The following SPATA6 variants were observed in gnomAD, a reference collection of about 807,000 sequenced individuals.
The protein encoded by SPATA6 is spermatogenesis associated 6, also known as spermatogenesis-associated protein 6.
A neutral mutation model predicts 65.3 loss-of-function variants in SPATA6; 56 were observed. The observed-to-expected ratio is 0.86, with a 90% CI of 0.69 to 1.07. The LOEUF (loss-of-function observed/expected upper bound fraction) is 1.07. Ranked by LOEUF, SPATA6 falls within the 50% of genes least tolerant of loss-of-function variation. The pLI is 0.00. For missense variants in SPATA6, 590 were observed against 594.8 expected (o/e 0.99, Z 0.08); for synonymous variants, 199 against 213.2 (o/e 0.93, Z 0.58).
chr1:48,275,794 C>CT, the SPATA6 span, among the ~76,000 whole-genome samples: 2 of 151,910 alleles, frequency 1.3e-5, no homozygotes, highest in Admixed American at 6.6e-5. Context: ...CTGAAATTTT[C>CT]TTTTTTTGTT....
intron 3 of SPATA6, among the ~76,000 whole-genome samples, chr1:48,441,368 C>T (rs1384770788): frequency 6.6e-6 from 1 of 151,118 alleles, no homozygotes; most frequent in Non-Finnish European, 1.5e-5. Flanking sequence ...CCTGGGACAG[C>T]CTGTAATCAG....
chr1:48,347,477 ATAT>A (rs1476374335), intron 11 of SPATA6, among the ~76,000 whole-genome samples: 3 of 146,490 alleles, frequency 2.0e-5, no homozygotes, highest in Non-Finnish European at 3.0e-5. Flanking sequence ...TATAATATAT[ATAT>A]TATTAATGTA....
At chr1:48,337,790 C>A (rs1317060985) in intron 11 of SPATA6, among the ~76,000 whole-genome samples, 8 of 151,648 alleles carry the variant, frequency 5.3e-5, no homozygotes, top group African/African-American at 1.9e-4. Flanking sequence ...ACATGCTAGA[C>A]CTATGAAATG....
intron 3 of SPATA6, among the ~76,000 whole-genome samples, chr1:48,422,009 A>G (rs187465483): frequency 1.7e-4 from 26 of 152,328 alleles, no homozygotes; most frequent in African/African-American, 6.3e-4. Context: ...AAATGGAAAG[A>G]ATATACATCA....
chr1:48,333,820 TA>T (rs1477804623), intron 11 of SPATA6, among the ~76,000 whole-genome samples: 2 of 151,520 alleles, frequency 1.3e-5, no homozygotes, highest in African/African-American at 4.9e-5. Context: ...AACAGAGACA[TA>T]AAAAAACATA....
chr1:48,464,813 T>A lies in SPATA6; in HGVS notation c.51+7145A>T, dbSNP rs560367616. On this transcript the variant is annotated intron_variant, in intron 1 of 12. Transcript: ENST00000371847. Reference sequence around the variant, plus strand: ...GACAGCCCAATGGAGCAATCTGGGGTTCTGATAATATTCTAATTATTGGTG... The same window carrying A: ...GACAGCCCAATGGAGCAATCTGGGGATCTGATAATATTCTAATTATTGGTG... 2.6e-5 allele frequency among the ~76,000 whole-genome samples: 4 copies of A among 152,134 alleles called. No homozygotes were observed. The South Asian group carries it at 8.3e-4, about 32-fold the overall frequency.
At chr1:48,370,380 G>C (rs1304098613) in intron 9 of SPATA6, among the ~76,000 whole-genome samples, 1 of 152,146 alleles carries the variant, frequency 6.6e-6, no homozygotes, top group African/African-American at 2.4e-5. Flanking sequence ...GTTCTGAAAG[G>C]GGAAAAAGTA....
chr1:48,420,131 A>G (rs1419800069), intron 3 of SPATA6, among the ~76,000 whole-genome samples: 1 of 152,112 alleles, frequency 6.6e-6, no homozygotes, highest in Non-Finnish European at 1.5e-5. Context: ...GGTTTAAACA[A>G]TCATGCCTAT....
At position 48,298,618 on chromosome 1, in the gene SPATA6, A is replaced by AT. The variant is rs1185564726; in HGVS notation, c.*94dup. On this transcript the variant is annotated 3_prime_UTR_variant, in exon 13 of 13. Coordinates refer to ENST00000371847, the MANE Select transcript of SPATA6 (RefSeq NM_019073.4). Reference sequence around the variant, plus strand: ...AACTATTGTACTTAGTTATAATCCCATTTTTTTTAAAAAAAGGAATACAGA... The same window carrying AT: ...AACTATTGTACTTAGTTATAATCCCATTTTTTTTTAAAAAAAGGAATACAGA... 106 of 1,249,896 alleles carry AT rather than the reference A, an allele frequency of 8.5e-5. No homozygotes were observed. Among genetic ancestry groups the AT allele is most frequent in the South Asian group, 2.1e-4 (12 of 57,470 alleles). 77.4% of individuals were successfully genotyped at this position (1,249,896 alleles called of 1,614,324 possible). A position where few individuals can be genotyped will look rare whatever the true frequency, so the allele number is the denominator to read the frequency against.
chr1:48,314,836 G>A (rs187660619), intron 11 of SPATA6, among the ~76,000 whole-genome samples: 12 of 151,692 alleles, frequency 7.9e-5, no homozygotes, highest in Admixed American at 2.6e-4. Context: ...TCAAATAAAC[G>A]CAATAAAAAA....
chr1:48,281,372 T>C, the SPATA6 span, among the ~76,000 whole-genome samples: 1 of 151,830 alleles, frequency 6.6e-6, no homozygotes, highest in Non-Finnish European at 1.5e-5. Context: ...GGTATTCAAT[T>C]AGGAAAAGAG....
chr1:48,428,291 C>T (rs563238302), intron 3 of SPATA6, among the ~76,000 whole-genome samples: 157 of 152,184 alleles, frequency 1.0e-3, no homozygotes, highest in African/African-American at 3.7e-3. Context: ...CCCGTCTCTA[C>T]CAAAAATACA....
chr1:48,428,809 G>GTGTGTGTGTGTGTGTGTGTA (rs144421737), intron 3 of SPATA6, among the ~76,000 whole-genome samples: 3 of 137,580 alleles, frequency 2.2e-5, no homozygotes, highest in East Asian at 2.1e-4. Context: ...GTGTGTGTGT[G>GTGTGTGTGTGTGTGTGTGTA]TATATGTATA....
intron 9 of SPATA6, among the ~76,000 whole-genome samples, chr1:48,369,396 A>C (rs959440734): frequency 2.0e-5 from 3 of 152,194 alleles, no homozygotes; most frequent in African/African-American, 7.2e-5. Flanking sequence ...CTACAGAGGC[A>C]GGCAGGCCTC....
intron 11 of SPATA6, among the ~76,000 whole-genome samples, chr1:48,330,102 A>G (rs1645872874): frequency 6.6e-6 from 1 of 152,216 alleles, no homozygotes; most frequent in Admixed American, 6.5e-5. Flanking sequence ...GCCAGGCCTC[A>G]GCAGCAACTT....
intron 11 of SPATA6, among the ~76,000 whole-genome samples, chr1:48,328,673 T>C (rs1645833079): frequency 1.3e-5 from 2 of 152,186 alleles, no homozygotes; most frequent in African/African-American, 4.8e-5. Flanking sequence ...ATGAAATGTT[T>C]TGAAATTAGA....
chr1:48,271,979 T>A, the SPATA6 span, among the ~76,000 whole-genome samples: 1 of 152,148 alleles, frequency 6.6e-6, no homozygotes, highest in African/African-American at 2.4e-5. Context: ...CACTCTCATG[T>A]CCAGTACTTT....
chr1:48,361,646 T>A (rs934457811), intron 9 of SPATA6, among the ~76,000 whole-genome samples: 5 of 152,164 alleles, frequency 3.3e-5, no homozygotes, highest in African/African-American at 1.2e-4. Context: ...TAGACAGCTA[T>A]CTAATTCTTC....
intron 11 of SPATA6, among the ~76,000 whole-genome samples, chr1:48,308,782 T>G (rs1244544245): frequency 6.6e-6 from 1 of 152,196 alleles, no homozygotes; most frequent in Non-Finnish European, 1.5e-5. Context: ...ACTCCACAGT[T>G]TCTGATTTAA....
Sources: gnomAD v4.1 joint callset for allele counts (sites outside exome capture counted in the v4.1 genomes callset) on GRCh38, gnomAD v4.1.1 for gene constraint, MANE v1.5 for transcripts, NCBI Gene and HGNC (gene_info 2026-07-23, HGNC 2026-07-21) for gene names.